The following AOPEP variants were observed in gnomAD, a reference collection of about 807,000 sequenced individuals.
AOPEP encodes aminopeptidase O.
Under a neutral mutation model 98.1 loss-of-function variants are expected in AOPEP, and 77 were observed. The ratio of observed to expected loss-of-function variants is 0.78; its 90% CI spans 0.65 to 0.95. The LOEUF (loss-of-function observed/expected upper bound fraction) is 0.95. Among genes scored for constraint, AOPEP ranks in the 40% least tolerant of loss-of-function variants. The pLI, the probability that AOPEP is intolerant of heterozygous loss-of-function variation, is 0.00. For synonymous variants in AOPEP, 346 were observed against 365.3 expected (o/e 0.95, Z 0.60); for missense variants, 1,024 against 1,024.7 (o/e 1.00, Z 0.01).
At chr9:95,088,359 G>T (rs1427813574), downstream of AOPEP, among the ~76,000 whole-genome samples, 1 of 152,034 alleles carries the variant, frequency 6.6e-6, no homozygotes, top group African/African-American at 2.4e-5. Context: ...ACAGGCTCCC[G>T]CCACCATGCC....
chr9:94,840,633 T>G (rs1384216649), intron 5 of AOPEP, among the ~76,000 whole-genome samples: 1 of 152,236 alleles, frequency 6.6e-6, no homozygotes, highest in Non-Finnish European at 1.5e-5. Context: ...GCCTAGAGAT[T>G]TCCTTTTCAG....
At chr9:95,105,613 C>T in the AOPEP span, among the ~76,000 whole-genome samples, 3 of 152,142 alleles carry the variant, frequency 2.0e-5, no homozygotes, top group Admixed American at 6.5e-5. Flanking sequence ...CAGCACTGGC[C>T]GTCTCCTGCC....
intron 7 of AOPEP, among the ~76,000 whole-genome samples, chr9:94,942,330 T>C (rs1348687552): frequency 6.6e-6 from 1 of 152,230 alleles, no homozygotes; most frequent in East Asian, 1.9e-4. Flanking sequence ...GCTTACTTCC[T>C]GTGCCCCTTT....
chr9:95,148,802 AT>A, the AOPEP span, among the ~76,000 whole-genome samples: 2 of 152,262 alleles, frequency 1.3e-5, no homozygotes, highest in Non-Finnish European at 2.9e-5. Flanking sequence ...GTTAACTGAC[AT>A]AATTTCAGAT....
chr9:95,082,253 C>T (rs2069890782), intron 15 of AOPEP, among the ~76,000 whole-genome samples: 1 of 152,228 alleles, frequency 6.6e-6, no homozygotes, highest in Non-Finnish European at 1.5e-5. Flanking sequence ...TGGGAACCAT[C>T]TCTGTCTGTT....
chr9:94,737,085 G>T (rs1437043124), intron 1 of AOPEP, among the ~76,000 whole-genome samples: 5 of 151,900 alleles, frequency 3.3e-5, no homozygotes, highest in Admixed American at 6.6e-5. Flanking sequence ...ATTTTGTTGG[G>T]TTATAAGTAG....
At chr9:95,092,056 CTG>C (rs112458654), downstream of AOPEP, among the ~76,000 whole-genome samples, 13,571 of 148,996 alleles carry the variant, frequency 0.091, 1,753 homozygotes, top group African/African-American at 0.29. Context: ...CTGTTGAAGG[CTG>C]TGTGTGTGTG....
rs1807847805 is a variant in AOPEP at position 94,908,278 on chromosome 9, C to T, written c.1365-15708C>T. Among the ~76,000 whole-genome samples the T allele has an allele frequency of 2.6e-5, 4 of 152,172 alleles. No individual in the cohort carries two copies. The South Asian group carries it at 8.3e-4, about 32-fold the overall frequency. ...GAAGCGATTTAGCCCAGGAGCCCTG[C>T]TGTTAAGCTGTGGCAGAGAGAGCTT... On this transcript the variant is annotated intron_variant, in intron 5 of 16. Coordinates refer to ENST00000375315, the MANE Select transcript of AOPEP (RefSeq NM_001193329.3).
chr9:95,084,461 G>A (rs1031688489), intron 16 of AOPEP, among the ~76,000 whole-genome samples: 5 of 152,188 alleles, frequency 3.3e-5, no homozygotes, highest in African/African-American at 1.2e-4. Flanking sequence ...ACGGGCTGGC[G>A]GCACACAGAC....
chr9:94,854,206 G>T (rs1588553882), intron 5 of AOPEP, among the ~76,000 whole-genome samples: 1 of 152,154 alleles, frequency 6.6e-6, no homozygotes, highest in Admixed American at 6.5e-5. Flanking sequence ...CAGAGAGCAG[G>T]TGGTGGTCTG....
chr9:94,973,786 A>G (rs1250602314), intron 10 of AOPEP, among the ~76,000 whole-genome samples: 1 of 152,230 alleles, frequency 6.6e-6, no homozygotes. Flanking sequence ...TTCCATAGTG[A>G]TCAGACATGC....
intron 13 of AOPEP, chr9:95,018,848 T>G (rs1312405154): frequency 6.6e-6 from 1 of 152,010 alleles, no homozygotes; most frequent in Non-Finnish European, 1.5e-5. Flanking sequence ...CTTGTGGGAG[T>G]TAGTGAGGGG....
intron 5 of AOPEP, among the ~76,000 whole-genome samples, chr9:94,916,776 G>C (rs2052890871): frequency 6.6e-6 from 1 of 151,934 alleles, no homozygotes; most frequent in Non-Finnish European, 1.5e-5. Context: ...TTCATATTGT[G>C]TGGGTATGGG....
intron 5 of AOPEP, among the ~76,000 whole-genome samples, chr9:94,860,958 A>G (rs1416390887): frequency 6.6e-6 from 1 of 152,222 alleles, no homozygotes; most frequent in East Asian, 1.9e-4. Flanking sequence ...CTCTTAGGGC[A>G]TCAGTGTCCT....
At chr9:94,862,730 A>G (rs1305526942) in intron 5 of AOPEP, among the ~76,000 whole-genome samples, 3 of 152,054 alleles carry the variant, frequency 2.0e-5, no homozygotes, top group African/African-American at 7.2e-5. Context: ...ACAGTTTTGC[A>G]CTTTGTTGCC....
At chr9:94,765,471 A>ATAAT (rs1839379634) in intron 2 of AOPEP, among the ~76,000 whole-genome samples, 1 of 147,546 alleles carries the variant, frequency 6.8e-6, no homozygotes, top group African/African-American at 2.5e-5. Flanking sequence ...AATAATAATA[A>ATAAT]TAATAATAAG....
chr9:94,827,144 G>A (rs945111461), intron 5 of AOPEP, among the ~76,000 whole-genome samples: 1 of 152,132 alleles, frequency 6.6e-6, no homozygotes, highest in African/African-American at 2.4e-5. Context: ...TCTCGTTTAG[G>A]AGCAAAGAAC....
intron 6 of AOPEP, among the ~76,000 whole-genome samples, chr9:94,924,810 C>G (rs1392383293): frequency 2.0e-5 from 3 of 152,132 alleles, no homozygotes; most frequent in Non-Finnish European, 4.4e-5. Flanking sequence ...ACTTATAATT[C>G]TGGACTTTTA....
intron 2 of AOPEP, 104 bp from the exon 3 acceptor site, chr9:94,772,898 T>C: frequency 8.6e-7 from 1 of 1,165,454 alleles, no homozygotes; most frequent in South Asian, 2.0e-5. Flanking sequence ...GTTTCAAATG[T>C]TTTCTTTGAA....
Sources: allele counts gnomAD v4.1 joint callset (sites outside exome capture counted in the v4.1 genomes callset), GRCh38; gene constraint gnomAD v4.1.1; transcripts MANE v1.5; gene names NCBI Gene and HGNC (gene_info 2026-07-23, HGNC 2026-07-21).